GFI1B: variants seen among roughly 807,000 people sequenced by gnomAD.
GFI1B encodes growth factor independent 1B transcriptional repressor.
In GFI1B, 20 loss-of-function variants were observed where a neutral mutation model predicts 35.3. The observed-to-expected ratio is 0.57, with a 90% CI of 0.40 to 0.82. The LOEUF (loss-of-function observed/expected upper bound fraction) is 0.82. Ranked by LOEUF, GFI1B falls within the 40% of genes least tolerant of loss-of-function variation. GFI1B has a pLI of 0.00. For synonymous variants in GFI1B, 178 were observed against 177.6 expected (o/e 1.00, Z -0.02); for missense variants, 430 against 446.3 (o/e 0.96, Z 0.33).
At chr9:132,988,502 C>T (rs751334616) in intron 4 of GFI1B, 34 bp downstream of exon 4, 1 of 1,599,554 alleles carries the variant, frequency 6.3e-7, no homozygotes, top group Non-Finnish European at 8.5e-7. Flanking sequence ...GCACCTGGGC[C>T]CTCCTCTCCG....
chr9:132,985,447 A>G (rs1195322795), intron 1 of GFI1B, among the ~76,000 whole-genome samples: 1 of 152,090 alleles, frequency 6.6e-6, no homozygotes, highest in African/African-American at 2.4e-5. Flanking sequence ...TCCTGTGTCC[A>G]TGAAGCCTCA....
At chr9:132,948,606 C>T (rs1001545100) in intron 1 of GFI1B, among the ~76,000 whole-genome samples, 1 of 152,256 alleles carries the variant, frequency 6.6e-6, no homozygotes, top group East Asian at 1.9e-4. Flanking sequence ...GCAGCAGCCT[C>T]CTGGCCAGGT....
At chr9:132,964,275 T>G (rs1848415459) in intron 1 of GFI1B, among the ~76,000 whole-genome samples, 1 of 152,088 alleles carries the variant, frequency 6.6e-6, no homozygotes, top group Non-Finnish European at 1.5e-5. Context: ...AAACCTATAA[T>G]GCTGAGAAAT....
intron 1 of GFI1B, among the ~76,000 whole-genome samples, chr9:132,972,098 G>A (rs1487838184): frequency 2.0e-5 from 3 of 151,754 alleles, no homozygotes; most frequent in African/African-American, 7.3e-5. Flanking sequence ...AACAGAGCAA[G>A]ACCCTGTCTC....
At chr9:132,974,326 G>T (rs1026807597), upstream of GFI1B, among the ~76,000 whole-genome samples, 1 of 152,084 alleles carries the variant, frequency 6.6e-6, no homozygotes. Context: ...GGCCAGGCGC[G>T]GTGGCTCACA....
At chr9:132,978,032 T>A (rs1848683089), upstream of GFI1B, among the ~76,000 whole-genome samples, 1 of 141,440 alleles carries the variant, frequency 7.1e-6, no homozygotes, top group African/African-American at 2.6e-5. Context: ...TCTATGCATG[T>A]GGCCGGCTCG....
chr9:132,990,026 C>A, intron 6 of GFI1B, 119 bp downstream of exon 6: 1 of 860,350 alleles, frequency 1.2e-6, no homozygotes, highest in East Asian at 2.6e-5. Context: ...AAGTCAAAGG[C>A]CACTGCTGAT....
In GFI1B at chr9:132,954,895, T is replaced by C. The variant is rs539716421; in HGVS notation, c.-701+9226T>C. ...CACCAAGCCCAGCTAATTTTTTTAT[T>C]TTTAGTAGAGACGGAGTTTCACTAT... On this transcript the variant is annotated intron_variant, in intron 1 of 10. Transcript: ENST00000339463. Among the ~76,000 whole-genome samples the C allele has an allele frequency of 7.2e-4, 110 of 152,112 alleles. 1 individual carries two copies. Among genetic ancestry groups the C allele is most frequent in the East Asian group, 1.6e-3 (8 of 5,130 alleles).
At chr9:132,957,245 C>A (rs1848296165) in intron 1 of GFI1B, among the ~76,000 whole-genome samples, 1 of 152,204 alleles carries the variant, frequency 6.6e-6, no homozygotes, top group African/African-American at 2.4e-5. Flanking sequence ...TTGGAAAACA[C>A]CTTTCTCTAA....
chr9:132,965,190 A>G (rs1848432012), intron 1 of GFI1B, among the ~76,000 whole-genome samples: 1 of 152,218 alleles, frequency 6.6e-6, no homozygotes, highest in East Asian at 1.9e-4. Flanking sequence ...GCTTAGAGGC[A>G]GGTGCCCAGT....
chr9:132,987,158 A>G, intron 2 of GFI1B, 124 bp from the exon 3 acceptor site: 1 of 1,093,238 alleles, frequency 9.1e-7, no homozygotes, highest in Non-Finnish European at 1.4e-6. Flanking sequence ...GTGAGCCGCC[A>G]GAAGCAGCGG....
chr9:132,965,625 G>A (rs1848440198), intron 1 of GFI1B, among the ~76,000 whole-genome samples: 1 of 152,216 alleles, frequency 6.6e-6, no homozygotes, highest in Non-Finnish European at 1.5e-5. Flanking sequence ...GACACGGAGT[G>A]GGAGGCCCCA....
In GFI1B at chr9:132,991,235, A is replaced by G. The variant is rs567975246; in HGVS notation, c.*185A>G. On this transcript the variant is annotated 3_prime_UTR_variant, in exon 7 of 7. Coordinates refer to ENST00000372122, the MANE Select transcript of GFI1B (RefSeq NM_001377304.1). ...AGTCACTTACCCTGTCTGGATCAAC[A>G]TTTCTCCTGCTGCCAAGTGTGGGAG... 242 of 622,938 alleles carry G rather than the reference A, an allele frequency of 3.9e-4. No homozygotes were observed. Among genetic ancestry groups the G allele is most frequent in the Non-Finnish European group, 5.8e-4 (204 of 351,228 alleles). The allele number at this position is 622,938 out of a possible 1,614,324, so 38.6% of individuals were successfully genotyped here. A position where few individuals can be genotyped will look rare whatever the true frequency, so the allele number is the denominator to read the frequency against.
intron 4 of GFI1B, 125 bp from the exon 5 acceptor site, chr9:132,988,936 T>C (rs1849180702): frequency 3.3e-6 from 3 of 901,572 alleles, no homozygotes; most frequent in Middle Eastern, 2.5e-4. Flanking sequence ...GAACTGGCAA[T>C]CCAGTGCCCC....
intron 1 of GFI1B, among the ~76,000 whole-genome samples, chr9:132,970,794 C>G (rs574264728): frequency 6.6e-6 from 1 of 152,136 alleles, no homozygotes; most frequent in Non-Finnish European, 1.5e-5. Context: ...ATCTCTGCAG[C>G]CTCAGAGTGG....
intron 1 of GFI1B, among the ~76,000 whole-genome samples, chr9:132,962,163 A>C (rs1370757043): frequency 1.4e-5 from 2 of 144,140 alleles, no homozygotes; most frequent in African/African-American, 5.2e-5. Context: ...TTTGAGACAG[A>C]ATCTCACTCT....
rs1017554510 is a variant in GFI1B, at chr9:132,987,167, G to A, written c.101-115G>A. On this transcript the variant is annotated intron_variant, in intron 2 of 6. Transcript: ENST00000372122. Reference sequence around the variant, plus strand: ...GGGAGTGTGAGCCGCCAGAAGCAGCGGCACGTGGCTGTCTCTCTGGGCCTC... The same window carrying A: ...GGGAGTGTGAGCCGCCAGAAGCAGCAGCACGTGGCTGTCTCTCTGGGCCTC... 7.5e-5 allele frequency: 87 copies of A among 1,152,728 alleles called. No homozygotes were observed. In the Middle Eastern group the frequency reaches 9.9e-4, roughly 13 times the overall value. 71.4% of individuals were successfully genotyped at this position (1,152,728 alleles called of 1,614,324 possible). A position where few individuals can be genotyped will look rare whatever the true frequency, so the allele number is the denominator to read the frequency against.
At chr9:132,980,956 T>C (rs1412794744) in intron 1 of GFI1B, among the ~76,000 whole-genome samples, 2 of 152,200 alleles carry the variant, frequency 1.3e-5, no homozygotes, top group Admixed American at 1.3e-4. Flanking sequence ...AGTGCCATGG[T>C]GCGATCTTGG....
chr9:132,986,164 C>T (rs745886061), intron 1 of GFI1B, among the ~76,000 whole-genome samples: 6 of 152,258 alleles, frequency 3.9e-5, no homozygotes, highest in East Asian at 1.9e-4. Context: ...AATCCAAAAT[C>T]GAGGTGTCCG....
Sources: allele counts gnomAD v4.1 joint callset (sites outside exome capture counted in the v4.1 genomes callset), GRCh38; gene constraint gnomAD v4.1.1; transcripts MANE v1.5; gene names NCBI Gene and HGNC (gene_info 2026-07-23, HGNC 2026-07-21).